DNAH9: variants seen among roughly 807,000 people sequenced by gnomAD.
The protein encoded by DNAH9 is DNAH9 variant protein.
Under a neutral mutation model 471.6 loss-of-function variants are expected in DNAH9, and 345 were observed. That is an observed-to-expected ratio of 0.73 (90% CI 0.67 to 0.80). The LOEUF (loss-of-function observed/expected upper bound fraction) is 0.80. Among genes scored for constraint, DNAH9 ranks in the 30% least tolerant of loss-of-function variants. DNAH9 has a pLI of 0.00. For missense variants in DNAH9, 5,407 were observed against 5,609.2 expected (o/e 0.96, Z 1.15); for synonymous variants, 2,093 against 2,123.6 (o/e 0.99, Z 0.40).
At chr17:11,823,093 T>A (rs1597698043) in intron 48 of DNAH9, 59 bp downstream of exon 48, 1 of 1,451,358 alleles carries the variant, frequency 6.9e-7, no homozygotes. Flanking sequence ...GAAGCAGCCC[T>A]TTCCAGTGAA....
At chr17:11,665,305 G>A (rs1225852396) in intron 15 of DNAH9, among the ~76,000 whole-genome samples, 1 of 152,168 alleles carries the variant, frequency 6.6e-6, no homozygotes, top group African/African-American at 2.4e-5. Context: ...AAGGCAGAAG[G>A]CTTCATCCAA....
At chr17:11,899,730 G>T (rs1973341913) in intron 59 of DNAH9, among the ~76,000 whole-genome samples, 1 of 152,152 alleles carries the variant, frequency 6.6e-6, no homozygotes, top group South Asian at 2.1e-4. Flanking sequence ...GGGGTGAGTG[G>T]CTGCCTGAAA....
intron 14 of DNAH9, among the ~76,000 whole-genome samples, chr17:11,660,398 C>CT (rs2073737978): frequency 7.3e-6 from 1 of 137,656 alleles, no homozygotes; most frequent in South Asian, 2.4e-4. Context: ...TCTCAACTTA[C>CT]TGCAACCTGC....
intron 38 of DNAH9, among the ~76,000 whole-genome samples, chr17:11,780,799 C>T (rs932399784): frequency 2.4e-4 from 36 of 152,208 alleles, no homozygotes; most frequent in African/African-American, 8.2e-4. Flanking sequence ...TGTTCAGTCC[C>T]CATTACTGCC....
chr17:11,744,801 A>G lies in DNAH9; in HGVS notation c.6116A>G (p.His2039Arg), dbSNP rs1567767845. The change falls in exon 31 of 69, where the codon CAC becomes CGC. Residue 2039 changes from histidine (H) to arginine (R), a missense_variant. This residue lies in a region of DNAH9 where 4,636 missense variants were observed against 4,900.3 expected (regional missense o/e 0.95). Coordinates refer to ENST00000262442, the MANE Select transcript of DNAH9 (RefSeq NM_001372.4). The stretch of plus-strand genomic sequence containing the variant: ...TTGATCTAACACTGCCCACAGGATC[A>G]CTACGACTGGGGCCTACGGGCCATC... ...LCKELLSKQD[H>R]YDWGLRAIKS... 8.1e-6 allele frequency: 13 copies of G among 1,611,102 alleles called. No homozygotes were observed. The highest frequency in any genetic ancestry group is 1.7e-4 in the Middle Eastern group (1 of 6,024).
chr17:11,833,021 C>T (rs898066068), intron 48 of DNAH9, among the ~76,000 whole-genome samples: 1 of 152,190 alleles, frequency 6.6e-6, no homozygotes, highest in Non-Finnish European at 1.5e-5. Flanking sequence ...TTCAGTACAT[C>T]TGGATTAGGA....
intron 59 of DNAH9, among the ~76,000 whole-genome samples, chr17:11,898,407 C>T (rs532782247): frequency 5.3e-5 from 8 of 152,278 alleles, no homozygotes; most frequent in East Asian, 1.9e-4. Context: ...AGGCGTGAGC[C>T]GCCGCGCCTG....
At chr17:11,704,102 G>A (rs1240688717) in intron 24 of DNAH9, 101 bp from the exon 25 acceptor site, 3 of 1,342,468 alleles carry the variant, frequency 2.2e-6, no homozygotes, top group South Asian at 1.3e-5. Context: ...TGGGGCTCAT[G>A]TCACCCACAC....
At chr17:11,677,403 A>G (rs1024658238) in intron 17 of DNAH9, among the ~76,000 whole-genome samples, 1 of 152,284 alleles carries the variant, frequency 6.6e-6, no homozygotes, top group Non-Finnish European at 1.5e-5. Flanking sequence ...CATCTTCTTT[A>G]TCACTAGCAA....
At chr17:11,814,009 T>C (rs1257127323) in intron 45 of DNAH9, among the ~76,000 whole-genome samples, 4 of 152,168 alleles carry the variant, frequency 2.6e-5, no homozygotes, top group Non-Finnish European at 5.9e-5. Flanking sequence ...GGGTCCTTGA[T>C]AGGGGTCATG....
chr17:11,871,913 G>C (rs760574642), intron 52 of DNAH9, 127 bp downstream of exon 52: 35 of 1,042,162 alleles, frequency 3.4e-5, no homozygotes, highest in Non-Finnish European at 4.1e-5. Flanking sequence ...CTGAGCACCA[G>C]GTGTGAAACC....
chr17:11,653,201 GA>G, intron 14 of DNAH9, among the ~76,000 whole-genome samples, 199 bp downstream of exon 14: 1 of 152,308 alleles, frequency 6.6e-6, no homozygotes, highest in East Asian at 1.9e-4. Flanking sequence ...TCAATGTGTT[GA>G]AATTATTACT....
intron 60 of DNAH9, among the ~76,000 whole-genome samples, chr17:11,903,437 A>G (rs189798236): frequency 6.6e-6 from 1 of 152,374 alleles, no homozygotes; most frequent in East Asian, 1.9e-4. Context: ...GGGTTATGGT[A>G]AAGACTGTAC....
In DNAH9 at chr17:11,834,693, A is replaced by G. The variant is rs776902622; in HGVS notation, c.9302A>G (p.Asn3101Ser). 4.6e-5 allele frequency: 75 copies of G among 1,613,978 alleles called. No individual in the cohort carries two copies. The South Asian group carries it at 7.8e-4, about 17-fold the overall frequency. ...CAGGAAGTAGAGCTGAAGCAGAAAA[A>G]TGAAGATGCAGACAAACTGATTCAG... ...AAQEVELKQK[N>S]EDADKLIQVV... The change falls in exon 49 of 69, where the codon AAT (asparagine) becomes AGT (serine). Residue 3101 changes from asparagine to serine, a missense_variant. This residue lies in a region of DNAH9 where 4,636 missense variants were observed against 4,900.3 expected (regional missense o/e 0.95). Coordinates refer to ENST00000262442, the MANE Select transcript of DNAH9 (RefSeq NM_001372.4).
At chr17:11,783,910 T>C (rs1466062917) in intron 40 of DNAH9, among the ~76,000 whole-genome samples, 162 bp downstream of exon 40, 4 of 152,190 alleles carry the variant, frequency 2.6e-5, no homozygotes, top group African/African-American at 9.7e-5. Context: ...GAGAAACTCC[T>C]AGACTTAGAG....
intron 35 of DNAH9, among the ~76,000 whole-genome samples, chr17:11,763,020 C>G (rs982872786): frequency 6.6e-6 from 1 of 151,824 alleles, no homozygotes; most frequent in African/African-American, 2.4e-5. Flanking sequence ...ACCTCGTGAT[C>G]CTCCCTCCTC....
intron 6 of DNAH9, among the ~76,000 whole-genome samples, chr17:11,624,989 G>C (rs887836574): frequency 2.0e-5 from 3 of 152,108 alleles, no homozygotes; most frequent in African/African-American, 7.2e-5. Flanking sequence ...CAATTTGAAT[G>C]AGCCATCAAA....
At chr17:11,714,033 C>A (rs574486057) in intron 26 of DNAH9, among the ~76,000 whole-genome samples, 1 of 152,102 alleles carries the variant, frequency 6.6e-6, no homozygotes, top group Non-Finnish European at 1.5e-5. Flanking sequence ...AATCTCATAA[C>A]CAGTTGGTAT....
intron 15 of DNAH9, among the ~76,000 whole-genome samples, 192 bp from the exon 16 acceptor site, chr17:11,668,872 C>G (rs185595560): frequency 2.0e-5 from 3 of 152,084 alleles, no homozygotes; most frequent in Non-Finnish European, 4.4e-5. Context: ...AGTGGTTCCC[C>G]CATTGAGAAG....
Sources: allele counts gnomAD v4.1 joint callset (sites outside exome capture counted in the v4.1 genomes callset), GRCh38; gene constraint gnomAD v4.1.1; regional missense constraint gnomAD v4.1.1; transcripts MANE v1.5; gene names NCBI Gene and HGNC (gene_info 2026-07-23, HGNC 2026-07-21).